The following GTF2F2 variants were observed in gnomAD, a reference collection of about 807,000 sequenced individuals.
GTF2F2 encodes general transcription factor IIF subunit 2, also known as ATP-dependent helicase GTF2F2.
In GTF2F2, 23 loss-of-function variants were observed where a neutral mutation model predicts 42.2. That is an observed-to-expected ratio of 0.55 (90% confidence interval 0.39 to 0.77). The LOEUF is 0.77. Ranked by LOEUF, GTF2F2 falls within the 30% of genes least tolerant of loss-of-function variation. GTF2F2 has a pLI of 0.00. For synonymous variants in GTF2F2, 105 were observed against 100.8 expected (o/e 1.04, Z -0.25); for missense variants, 261 against 287.2 (o/e 0.91, Z 0.66).
chr13:45,267,067 T>G (rs533094032), intron 6 of GTF2F2, among the ~76,000 whole-genome samples, 166 bp from the exon 7 acceptor site: 53 of 151,794 alleles, frequency 3.5e-4, no homozygotes, highest in African/African-American at 1.1e-3. Flanking sequence ...GAGAATCACT[T>G]GAACCCAGGA....
chr13:45,174,528 C>T (rs1255279676), intron 4 of GTF2F2, among the ~76,000 whole-genome samples: 2 of 151,456 alleles, frequency 1.3e-5, no homozygotes, highest in East Asian at 3.9e-4. Flanking sequence ...GCCTTTATTC[C>T]TCAGTAATAT....
intron 2 of GTF2F2, among the ~76,000 whole-genome samples, chr13:45,139,528 T>C (rs1869813878): frequency 1.3e-5 from 2 of 152,164 alleles, no homozygotes; most frequent in African/African-American, 2.4e-5. Context: ...CCCACATTTC[T>C]TTTCGGTCTC....
At chr13:45,146,448 A>G (rs986125535) in intron 2 of GTF2F2, among the ~76,000 whole-genome samples, 1 of 152,176 alleles carries the variant, frequency 6.6e-6, no homozygotes, top group Admixed American at 6.6e-5. Context: ...GCAGTAAGCC[A>G]TCATCATGCC....
rs911109884 is a variant in GTF2F2 at position 45,146,464 on chromosome 13, A to G, written c.141-3306A>G. 3.3e-5 allele frequency among the ~76,000 whole-genome samples: 5 copies of G among 152,146 alleles called. No homozygotes were observed. The East Asian group carries it at 9.6e-4, about 29-fold the overall frequency. Reference sequence around the variant, plus strand: ...CAGTAAGCCATCATCATGCCACTGCACTCTAGCCTGGGTGACAGGTCAAGA... The same window carrying G: ...CAGTAAGCCATCATCATGCCACTGCGCTCTAGCCTGGGTGACAGGTCAAGA... On this transcript the variant is annotated intron_variant, in intron 2 of 7. Transcript: ENST00000340473.
chr13:45,128,794 A>G (rs1869182857), intron 1 of GTF2F2, among the ~76,000 whole-genome samples: 1 of 151,846 alleles, frequency 6.6e-6, no homozygotes, highest in Non-Finnish European at 1.5e-5. Context: ...GGGTCCCCGT[A>G]TGTTGCCCAG....
intron 5 of GTF2F2, among the ~76,000 whole-genome samples, chr13:45,238,698 A>C (rs1875124795): frequency 6.6e-6 from 1 of 152,006 alleles, no homozygotes; most frequent in African/African-American, 2.4e-5. Flanking sequence ...TAATCCCAGC[A>C]CTTTGGGAGG....
intron 4 of GTF2F2, among the ~76,000 whole-genome samples, chr13:45,176,779 TTC>T (rs1871896529): frequency 6.6e-6 from 1 of 152,084 alleles, no homozygotes; most frequent in Admixed American, 6.6e-5. Flanking sequence ...GAATTGTTTT[TTC>T]TTTTTCTTTT....
chr13:45,213,034 G>A (rs1873755098), intron 5 of GTF2F2, among the ~76,000 whole-genome samples: 1 of 151,846 alleles, frequency 6.6e-6, no homozygotes, highest in Admixed American at 6.6e-5. Flanking sequence ...GAGCCACCAT[G>A]CCCGGCTAAT....
At chr13:45,217,185 G>T (rs1873927711) in intron 5 of GTF2F2, among the ~76,000 whole-genome samples, 1 of 151,610 alleles carries the variant, frequency 6.6e-6, no homozygotes. Flanking sequence ...TGTAATCCCA[G>T]CTACTCGGGA....
At chr13:45,271,640 C>A (rs1285117287) in intron 7 of GTF2F2, among the ~76,000 whole-genome samples, 1 of 152,042 alleles carries the variant, frequency 6.6e-6, no homozygotes, top group Non-Finnish European at 1.5e-5. Flanking sequence ...CAACCTCCAC[C>A]TCCCGGGTTC....
rs114295378 is a variant in GTF2F2, at chr13:45,126,662, G to A, written c.66+5941G>A. Among the ~76,000 whole-genome samples the A allele has an allele frequency of 1.8e-3, 264 of 142,880 alleles. 1 individual carries two copies. The highest frequency in any genetic ancestry group is 6.7e-3 in the African/African-American group (246 of 36,984). The allele number at this position is 142,880 out of a possible 152,430, so 93.7% of individuals were successfully genotyped here. A position where few individuals can be genotyped will look rare whatever the true frequency, so the allele number is the denominator to read the frequency against. On this transcript the variant is annotated intron_variant, in intron 1 of 7. Coordinates refer to ENST00000340473, the MANE Select transcript of GTF2F2 (RefSeq NM_004128.3). ...CTAAGTATGTTACAGTGAACAAAAC[G>A]GACATGGTATATATACTGTGTAAAC...
chr13:45,253,850 C>T (rs935918061), intron 6 of GTF2F2, among the ~76,000 whole-genome samples: 7 of 152,046 alleles, frequency 4.6e-5, no homozygotes, highest in Admixed American at 1.3e-4. Flanking sequence ...CCGAGGCAGG[C>T]GGTTCACAAG....
rs552232968 is a variant in GTF2F2 at position 45,131,838 on chromosome 13, GA to G, written c.67-4894del. On this transcript the variant is annotated intron_variant, in intron 1 of 7. Coordinates refer to ENST00000340473, the MANE Select transcript of GTF2F2 (RefSeq NM_004128.3). The stretch of plus-strand genomic sequence containing the variant: ...GAGTATCGTTGGAGCCCAGGAAGTG[GA>G]GGTTGCAGTGAGCCAAAATTGTAAA... Among the ~76,000 whole-genome samples the G allele has an allele frequency of 4.9e-3, 723 of 148,440 alleles. 11 individuals are homozygous for G. The highest frequency in any genetic ancestry group is 8.7e-3 in the Non-Finnish European group (585 of 67,432).
At position 45,150,647 on chromosome 13, in the gene GTF2F2, G is replaced by GA. The variant is rs370971827; in HGVS notation, c.159+871dup. On this transcript the variant is annotated intron_variant, in intron 3 of 7. Coordinates refer to ENST00000340473, the MANE Select transcript of GTF2F2 (RefSeq NM_004128.3). ...GACCTCAGACCTCAGAGATTTTAGG[G>GA]AAAAAAAAAAAATCATCTTTTTTTT... is the stretch of plus-strand genomic sequence containing the variant. Among the ~76,000 whole-genome samples the GA allele has an allele frequency of 7.4e-3, 969 of 130,328 alleles. 12 individuals carry two copies. The highest frequency in any genetic ancestry group is 0.02 in the African/African-American group (629 of 31,228). 85.5% of individuals were successfully genotyped at this position (130,328 alleles called of 152,430 possible).
intron 5 of GTF2F2, among the ~76,000 whole-genome samples, chr13:45,228,471 C>T (rs752488541): frequency 2.0e-5 from 3 of 150,202 alleles, no homozygotes; most frequent in Non-Finnish European, 1.5e-5. Flanking sequence ...CAGTACCTGA[C>T]GCTGGGCCAG....
At chr13:45,198,279 A>G (rs558739766) in intron 4 of GTF2F2, among the ~76,000 whole-genome samples, 1 of 152,348 alleles carries the variant, frequency 6.6e-6, no homozygotes, top group African/African-American at 2.4e-5. Context: ...GGTCTTTGTC[A>G]TCCCGTGATT....
At chr13:45,202,161 C>T (rs1273627327) in intron 4 of GTF2F2, among the ~76,000 whole-genome samples, 13 of 151,996 alleles carry the variant, frequency 8.6e-5, no homozygotes, top group African/African-American at 2.4e-4. Flanking sequence ...CTGAGGTGGG[C>T]GGATCACCAG....
chr13:45,190,036 A>C (rs1444801932), intron 4 of GTF2F2, among the ~76,000 whole-genome samples: 2 of 152,214 alleles, frequency 1.3e-5, no homozygotes, highest in African/African-American at 2.4e-5. Flanking sequence ...TCTGCACAGC[A>C]AAAGAAACTG....
At chr13:45,232,672 T>C (rs1480561354) in intron 5 of GTF2F2, among the ~76,000 whole-genome samples, 1 of 152,134 alleles carries the variant, frequency 6.6e-6, no homozygotes, top group Admixed American at 6.6e-5. Flanking sequence ...CTCATTATAG[T>C]AATTTTTCCA....
Sources: allele counts gnomAD v4.1 joint callset (sites outside exome capture counted in the v4.1 genomes callset), GRCh38; gene constraint gnomAD v4.1.1; transcripts MANE v1.5; gene names NCBI Gene and HGNC (gene_info 2026-07-23, HGNC 2026-07-21).